PITPNM2: variants seen among roughly 807,000 people sequenced by gnomAD.
PITPNM2 encodes the protein membrane-associated phosphatidylinositol transfer protein 2.
In PITPNM2, 35 loss-of-function variants were observed where a neutral mutation model predicts 132.2. The observed-to-expected ratio is 0.26, with a 90% CI of 0.20 to 0.35. PITPNM2 has a LOEUF of 0.35. Among genes scored for constraint, PITPNM2 ranks in the 10% least tolerant of loss-of-function variants. PITPNM2 has a pLI of 1.00. For missense variants in PITPNM2, 1,332 were observed against 1,912.0 expected (o/e 0.70, Z 5.66); for synonymous variants, 738 against 799.2 (o/e 0.92, Z 1.29).
intron 1 of PITPNM2, among the ~76,000 whole-genome samples, chr12:123,130,315 T>C (rs1260497859): frequency 6.6e-6 from 1 of 152,094 alleles, no homozygotes; most frequent in Non-Finnish European, 1.5e-5. Context: ...CCCACAATTA[T>C]CTCAGCAGTA....
chr12:122,989,005 C>T (rs1279215189), intron 18 of PITPNM2, 133 bp from the exon 19 acceptor site: 1 of 1,087,734 alleles, frequency 9.2e-7, no homozygotes, highest in Non-Finnish European at 1.2e-6. Context: ...TGAGTCTTCT[C>T]CCAGGCTGGG....
chr12:123,027,869 G>A (rs188094370), intron 3 of PITPNM2, among the ~76,000 whole-genome samples: 28 of 152,324 alleles, frequency 1.8e-4, no homozygotes, highest in Admixed American at 5.2e-4. Context: ...CAGTGATGGC[G>A]TCCAAGGGGG....
chr12:123,086,600 T>C (rs1293365877), intron 2 of PITPNM2, among the ~76,000 whole-genome samples: 1 of 152,196 alleles, frequency 6.6e-6, no homozygotes. Flanking sequence ...ATTAACTGAT[T>C]GAATCTTTTT....
intron 3 of PITPNM2, among the ~76,000 whole-genome samples, chr12:123,014,316 C>T (rs1390532586): frequency 6.6e-6 from 1 of 152,210 alleles, no homozygotes. Flanking sequence ...AAAGCGTTCC[C>T]AAGATCAGGA....
Position 122,986,118 on chromosome 12 carries a change from C to T in PITPNM2, c.3959G>A (p.Arg1320Gln), listed in dbSNP as rs1017607614. 24 of 1,502,292 alleles carry T rather than the reference C, an allele frequency of 1.6e-5. No homozygotes were observed. Among genetic ancestry groups the T allele is most frequent in the African/African-American group, 2.9e-5 (2 of 69,182 alleles). The allele number at this position is 1,502,292 out of a possible 1,614,324, so 93.1% of individuals were successfully genotyped here. ...RTQSQADGEQRGQRSMSVAAG... is the reference protein window; with the variant it reads ...RTQSQADGEQQGQRSMSVAAG... ...CGCCACACTCATGCTGCGCTGGCCC[C>T]GCTGCTCGCCATCCGCCTGGCTCTG... The change falls in exon 26 of 26, where the codon CGG (arginine) becomes CAG (glutamine). Residue 1320 changes from arginine to glutamine, a missense_variant. Coordinates refer to ENST00000320201, the MANE Select transcript of PITPNM2 (RefSeq NM_020845.3).
In PITPNM2 at chr12:123,004,258, T is replaced by C. The variant is rs2038820852; in HGVS notation, c.1048+136A>G. 1.3e-6 allele frequency: 1 copy of C among 766,734 alleles called. No homozygotes were observed. Among genetic ancestry groups the C allele is most frequent in the Non-Finnish European group, 2.2e-6 (1 of 459,940 alleles). 47.5% of individuals were successfully genotyped at this position (766,734 alleles called of 1,614,324 possible). A position where few individuals can be genotyped will look rare whatever the true frequency, so the allele number is the denominator to read the frequency against. The stretch of plus-strand genomic sequence containing the variant: ...ACACCAGGCTGTCCACCTGGGACAG[T>C]GCAGGTATAGGGACTGGATATAGAA... On this transcript the variant is annotated intron_variant, in intron 8 of 25. Coordinates refer to ENST00000320201, the MANE Select transcript of PITPNM2 (RefSeq NM_020845.3). This position sits in a 1 kb window ranked among gnomAD's most constrained non-coding sequence, Gnocchi z 4.9.
In PITPNM2 at chr12:123,005,227, C is replaced by G. The variant is rs745656820; in HGVS notation, c.952+13G>C. The G allele has an allele frequency of 6.2e-7, 1 of 1,604,498 alleles. No homozygotes were observed. The stretch of plus-strand genomic sequence containing the variant: ...GACCTTGAGTGTGGGTGGCAGGTGG[C>G]GCAGGGCCTTACCTCCCCGCTTGGA... On this transcript the variant is annotated intron_variant, in intron 7 of 25. Transcript: ENST00000320201. The surrounding 1 kb of genome is among the most constrained non-coding windows in gnomAD (Gnocchi z 6.2).
rs528265502 is a variant in PITPNM2, at chr12:123,015,135, G to A, written c.79-1093C>T. Among the ~76,000 whole-genome samples the A allele has an allele frequency of 1.2e-3, 185 of 152,256 alleles. 1 individual carries two copies. The highest frequency in any genetic ancestry group is 4.1e-3 in the African/African-American group (170 of 41,534). On this transcript the variant is annotated intron_variant, in intron 3 of 25. Coordinates refer to ENST00000320201, the MANE Select transcript of PITPNM2 (RefSeq NM_020845.3). The stretch of plus-strand genomic sequence containing the variant: ...CCCAAACAACCTACAGATATAATGC[G>A]ATCTTTATCAAAATCCCAGCAGCTT...
intron 4 of PITPNM2, among the ~76,000 whole-genome samples, chr12:123,013,218 C>T (rs2039284511): frequency 6.6e-6 from 1 of 152,224 alleles, no homozygotes; most frequent in African/African-American, 2.4e-5. Context: ...CAGGTGCCCA[C>T]CAGCGTGGGG....
upstream of PITPNM2, among the ~76,000 whole-genome samples, chr12:123,151,349 C>T (rs990690277): frequency 1.2e-4 from 19 of 152,058 alleles, no homozygotes; most frequent in Non-Finnish European, 1.9e-4. Flanking sequence ...CGGCGCGGAT[C>T]CCCGCCCCGG....
Position 123,005,186 on chromosome 12 carries a change from C to T in PITPNM2, c.952+54G>A. The T allele has an allele frequency of 6.4e-7, 1 of 1,560,770 alleles. No homozygotes were observed. Among genetic ancestry groups the T allele is most frequent in the Non-Finnish European group, 8.7e-7 (1 of 1,147,858 alleles). On this transcript the variant is annotated intron_variant, in intron 7 of 25. Coordinates refer to ENST00000320201, the MANE Select transcript of PITPNM2 (RefSeq NM_020845.3). This position sits in a 1 kb window ranked among gnomAD's most constrained non-coding sequence, Gnocchi z 6.2. The stretch of plus-strand genomic sequence containing the variant: ...TGCAGTGATCCAGCAGTGTGTGGGG[C>T]TGCCTTGAGGGGAGGGACCTTGAGT...
chr12:122,995,969 T>C (rs1315604022), intron 13 of PITPNM2, among the ~76,000 whole-genome samples: 5 of 152,190 alleles, frequency 3.3e-5, no homozygotes, highest in Admixed American at 3.3e-4. Flanking sequence ...TTCAGGCTCA[T>C]GAAACCACAC....
chr12:123,136,355 G>T (rs1309421132), intron 1 of PITPNM2, among the ~76,000 whole-genome samples: 1 of 151,902 alleles, frequency 6.6e-6, no homozygotes, highest in East Asian at 1.9e-4. Context: ...ACAAAAAATA[G>T]AAATTTAACT....
At chr12:123,142,754 T>C (rs2043531110) in intron 1 of PITPNM2, among the ~76,000 whole-genome samples, 1 of 152,192 alleles carries the variant, frequency 6.6e-6, no homozygotes, top group Non-Finnish European at 1.5e-5. Context: ...GCTGATTGAA[T>C]GTTCCCCCTG....
At chr12:123,068,532 G>C (rs930827700) in intron 2 of PITPNM2, among the ~76,000 whole-genome samples, 15 of 152,146 alleles carry the variant, frequency 9.9e-5, no homozygotes, top group Admixed American at 7.8e-4. Context: ...GCCCTAAGCA[G>C]ACAGCCTTAA....
chr12:123,049,570 A>G (rs921108117), intron 2 of PITPNM2, among the ~76,000 whole-genome samples: 1 of 152,166 alleles, frequency 6.6e-6, no homozygotes, highest in African/African-American at 2.4e-5. Context: ...ACTCCCTGGC[A>G]TCAACCAGGT....
chr12:123,013,721 GA>G (rs2039305818), intron 4 of PITPNM2, 106 bp downstream of exon 4: 2 of 1,283,462 alleles, frequency 1.6e-6, no homozygotes. Context: ...ATGGGTTGTT[GA>G]ACCTGCTTGA....
chr12:123,055,347 C>A (rs1452507591), intron 2 of PITPNM2, among the ~76,000 whole-genome samples: 1 of 152,190 alleles, frequency 6.6e-6, no homozygotes, highest in South Asian at 2.1e-4. Flanking sequence ...AATGACCACC[C>A]ATGAAATATG....
chr12:123,136,013 T>C (rs1462234869), intron 1 of PITPNM2, among the ~76,000 whole-genome samples: 1 of 152,132 alleles, frequency 6.6e-6, no homozygotes, highest in Non-Finnish European at 1.5e-5. Flanking sequence ...TTACTTAAAA[T>C]TTTTTTGGCC....
Sources: gnomAD v4.1 joint callset for allele counts (sites outside exome capture counted in the v4.1 genomes callset) on GRCh38, gnomAD v4.1.1 for gene constraint, Gnocchi (gnomAD v3.1) non-coding constraint, MANE v1.5 for transcripts, NCBI Gene and HGNC (gene_info 2026-07-23, HGNC 2026-07-21) for gene names.